Variants in UNC13C observed in about 807,000 individuals in gnomAD.
UNC13C encodes the protein unc-13 homolog C, also known as protein unc-13 homolog C.
A neutral mutation model predicts 245.4 loss-of-function variants in UNC13C; 174 were observed. The observed-to-expected ratio is 0.71, with a 90% CI of 0.63 to 0.80. The LOEUF (loss-of-function observed/expected upper bound fraction) is 0.80, where lower values mean the gene tolerates loss of function less well. Ranked by LOEUF, UNC13C falls within the 30% of genes least tolerant of loss-of-function variation. The probability of loss-of-function intolerance (pLI) is 0.00; values close to 1 mark genes in which losing one functional copy is unlikely to be tolerated. For missense variants in UNC13C, 2,829 were observed against 2,602.9 expected, an observed-to-expected ratio of 1.09 and a Z score of -1.89; for synonymous variants, 992 against 895.1, an observed-to-expected ratio of 1.11 and a Z score of -1.93.
At chr15:54,306,397 G>T (rs554911981) in intron 13 of UNC13C, among the ~76,000 whole-genome samples, 1 of 152,102 alleles carries the variant, frequency 6.6e-6, no homozygotes, top group African/African-American at 2.4e-5. Flanking sequence ...TAGTAAGAAT[G>T]ATAGGCTGTT....
chr15:53,958,159 A>G, the UNC13C span, among the ~76,000 whole-genome samples: 1 of 152,154 alleles, frequency 6.6e-6, no homozygotes, highest in Non-Finnish European at 1.5e-5. Flanking sequence ...GAAGTTTGTC[A>G]CCCAATCCCC....
intron 26 of UNC13C, among the ~76,000 whole-genome samples, chr15:54,544,635 C>T (rs2141172376): frequency 6.6e-6 from 1 of 152,272 alleles, no homozygotes; most frequent in East Asian, 1.9e-4. Context: ...AAATCACTAG[C>T]ATTCCTATAC....
At chr15:54,361,822 T>C (rs1260043041) in intron 17 of UNC13C, among the ~76,000 whole-genome samples, 1 of 152,348 alleles carries the variant, frequency 6.6e-6, no homozygotes, top group South Asian at 2.1e-4. Flanking sequence ...GAATTGCTGC[T>C]CTGCTATTAT....
At chr15:54,053,072 C>T (rs1019179679) in intron 2 of UNC13C, among the ~76,000 whole-genome samples, 1 of 152,028 alleles carries the variant, frequency 6.6e-6, no homozygotes, top group African/African-American at 2.4e-5. Context: ...TGATCTCGAC[C>T]CACTGCAACT....
At chr15:54,084,542 G>T (rs1171596474) in intron 2 of UNC13C, among the ~76,000 whole-genome samples, 1 of 152,080 alleles carries the variant, frequency 6.6e-6, no homozygotes, top group African/African-American at 2.4e-5. Flanking sequence ...TCCCCTTTAT[G>T]GCCATTGCCA....
At chr15:54,259,015 C>T (rs887856498) in intron 8 of UNC13C, among the ~76,000 whole-genome samples, 8 of 152,184 alleles carry the variant, frequency 5.3e-5, no homozygotes, top group African/African-American at 1.7e-4. Flanking sequence ...CCATGGAGGG[C>T]GATCTTCCAG....
At chr15:54,357,123 A>G (rs2039113987) in intron 17 of UNC13C, among the ~76,000 whole-genome samples, 2 of 151,984 alleles carry the variant, frequency 1.3e-5, no homozygotes, top group African/African-American at 2.4e-5. Flanking sequence ...TACAGTCCCC[A>G]CTTTGAGATT....
the UNC13C span, among the ~76,000 whole-genome samples, chr15:53,903,387 G>C: frequency 6.6e-6 from 1 of 152,156 alleles, no homozygotes; most frequent in Non-Finnish European, 1.5e-5. Flanking sequence ...ATATTTCAGG[G>C]TTTAATCTCT....
chr15:53,856,279 T>A, the UNC13C span, among the ~76,000 whole-genome samples: 1 of 152,154 alleles, frequency 6.6e-6, no homozygotes, highest in Non-Finnish European at 1.5e-5. Flanking sequence ...TGTATCTCTA[T>A]CTCCTTCAGT....
the UNC13C span, among the ~76,000 whole-genome samples, chr15:53,904,364 T>C: frequency 6.6e-6 from 1 of 152,186 alleles, no homozygotes; most frequent in Admixed American, 6.5e-5. Flanking sequence ...TTATAAAGCA[T>C]ACTAATTTGT....
chr15:54,246,902 TTAAAA>T (rs2036007903), intron 7 of UNC13C, among the ~76,000 whole-genome samples: 1 of 152,204 alleles, frequency 6.6e-6, no homozygotes, highest in Non-Finnish European at 1.5e-5. Context: ...ACCCTTGTAC[TTAAAA>T]TAAAATTTGG....
At position 54,032,670 on chromosome 15, in the gene UNC13C, A is replaced by G. The variant is rs1412557291; in HGVS notation, c.2983+16784A>G. 4.6e-5 allele frequency among the ~76,000 whole-genome samples: 7 copies of G among 152,218 alleles called. No individual in the cohort carries two copies. The East Asian group carries it at 1.3e-3, about 29-fold the overall frequency. Reference sequence around the variant, plus strand: ...ATCCTGTCACTTAAAAGCTGAAATAATAATAAGAGCCTAAAGGTTAAATAT... The same window carrying G: ...ATCCTGTCACTTAAAAGCTGAAATAGTAATAAGAGCCTAAAGGTTAAATAT... On this transcript the variant is annotated intron_variant, in intron 2 of 32. Transcript: ENST00000260323.
intron 2 of UNC13C, chr15:54,050,430 G>A (rs1197691901): frequency 1.8e-6 from 1 of 552,882 alleles, no homozygotes; most frequent in African/African-American, 1.9e-5. Flanking sequence ...GTAGTCAGGA[G>A]CTGACCTGGG....
At chr15:54,242,362 A>G (rs1260399516) in intron 7 of UNC13C, among the ~76,000 whole-genome samples, 1 of 152,148 alleles carries the variant, frequency 6.6e-6, no homozygotes, top group East Asian at 1.9e-4. Flanking sequence ...TTCTTGAGTT[A>G]GTCTAGACAA....
chr15:54,121,413 A>G (rs971291481), intron 2 of UNC13C, among the ~76,000 whole-genome samples: 4 of 152,116 alleles, frequency 2.6e-5, no homozygotes, highest in Non-Finnish European at 2.9e-5. Flanking sequence ...GAAACCAAAA[A>G]AAGTGTGTGA....
chr15:54,202,281 A>C (rs2034547709), intron 4 of UNC13C, among the ~76,000 whole-genome samples: 1 of 151,894 alleles, frequency 6.6e-6, no homozygotes, highest in Admixed American at 6.6e-5. Context: ...TTCCTATCAA[A>C]ATGCTACCAT....
rs2038498013 is a variant in UNC13C at position 54,333,619 on chromosome 15, CA to C, written c.4495-143del. On this transcript the variant is annotated intron_variant, in intron 15 of 32. Transcript: ENST00000260323. ...GTTTACGTTCTATAATGTTTTATGA[CA>C]AAAATATTTTAAGAATACCTTGAGT... is the stretch of plus-strand genomic sequence containing the variant. 3 of 574,412 alleles carry C rather than the reference CA, an allele frequency of 5.2e-6. No individual in the cohort carries two copies. The East Asian group carries it at 8.5e-5, about 16-fold the overall frequency. The allele number at this position is 574,412 out of a possible 1,614,324, so 35.6% of individuals were successfully genotyped here.
chr15:54,404,463 G>A (rs775032883), intron 18 of UNC13C, among the ~76,000 whole-genome samples: 2 of 152,032 alleles, frequency 1.3e-5, no homozygotes, highest in Non-Finnish European at 2.9e-5. Context: ...ATTAAAAACA[G>A]GAGACAGTCA....
chr15:53,878,255 C>T, the UNC13C span, among the ~76,000 whole-genome samples: 38 of 152,196 alleles, frequency 2.5e-4, no homozygotes, highest in East Asian at 5.8e-4. Flanking sequence ...ACCTCCTCAC[C>T]GCCAAACCTC....
Sources: gnomAD v4.1 joint callset for allele counts (sites outside exome capture counted in the v4.1 genomes callset) on GRCh38, gnomAD v4.1.1 for gene constraint, MANE v1.5 for transcripts, NCBI Gene and HGNC (gene_info 2026-07-23, HGNC 2026-07-21) for gene names.